Variants in KLF13 observed in about 807,000 individuals in gnomAD.
KLF13 encodes Krueppel-like factor 13.
A neutral mutation model predicts 16.7 loss-of-function variants in KLF13; 8 were observed. The ratio of observed to expected loss-of-function variants is 0.48; its 90% CI spans 0.28 to 0.87. The LOEUF (loss-of-function observed/expected upper bound fraction) is 0.87. KLF13 is among the 40% of genes least tolerant of loss of function. The pLI is 0.10. For missense variants in KLF13, 447 were observed against 452.2 expected (o/e 0.99, Z 0.10); for synonymous variants, 245 against 208.4 (o/e 1.18, Z -1.51).
intron 1 of KLF13, among the ~76,000 whole-genome samples, chr15:31,385,273 C>T (rs2039781369): frequency 6.6e-6 from 1 of 152,156 alleles, no homozygotes. Flanking sequence ...TATCTATAGA[C>T]CAAGAGCATG....
chr15:31,424,024 C>T (rs1357121519), intron 1 of KLF13, among the ~76,000 whole-genome samples: 1 of 151,894 alleles, frequency 6.6e-6, no homozygotes, highest in Non-Finnish European at 1.5e-5. Flanking sequence ...TACAACCTAC[C>T]AATATTGAAT....
upstream of KLF13, among the ~76,000 whole-genome samples, chr15:31,388,153 C>A (rs188190663): frequency 6.5e-3 from 986 of 152,290 alleles, 4 homozygotes; most frequent in Non-Finnish European, 0.011. Flanking sequence ...GGTTATTATT[C>A]TTCTCATCAG....
intron 1 of KLF13, among the ~76,000 whole-genome samples, chr15:31,349,033 C>A (rs1021007337): frequency 6.6e-6 from 1 of 152,158 alleles, no homozygotes; most frequent in Non-Finnish European, 1.5e-5. Flanking sequence ...GACCATCCAT[C>A]AAGCTGGGAG....
intron 1 of KLF13, among the ~76,000 whole-genome samples, chr15:31,358,457 T>C (rs2039333873): frequency 6.6e-6 from 1 of 152,230 alleles, no homozygotes; most frequent in Admixed American, 6.5e-5. Context: ...CTCATAAATA[T>C]GTATAGTGAT....
At chr15:31,392,561 C>T (rs1334000003), upstream of KLF13, among the ~76,000 whole-genome samples, 1 of 152,232 alleles carries the variant, frequency 6.6e-6, no homozygotes, top group African/African-American at 2.4e-5. Context: ...TGTCCCGCCC[C>T]TGAAGGGGCC....
At chr15:31,418,338 T>C (rs1445347114) in intron 1 of KLF13, among the ~76,000 whole-genome samples, 2 of 152,130 alleles carry the variant, frequency 1.3e-5, no homozygotes, top group Non-Finnish European at 2.9e-5. Context: ...AGAAAAAGTA[T>C]ATTAAATCTA....
At chr15:31,363,026 G>T (rs1041371283) in intron 1 of KLF13, among the ~76,000 whole-genome samples, 1 of 152,206 alleles carries the variant, frequency 6.6e-6, no homozygotes. Context: ...GTGCAAATGC[G>T]TTTGTAGGCT....
In KLF13 at chr15:31,377,134, A is replaced by G. The variant is rs1475850219; in HGVS notation, c.*4835A>G. Reference sequence around the variant, plus strand: ...CAGGTGTGTGAGCCGAATGCCTGCCAGGCCATGCACTCAGCAGAGGAGCCC... The same window carrying G: ...CAGGTGTGTGAGCCGAATGCCTGCCGGGCCATGCACTCAGCAGAGGAGCCC... On this transcript the variant is annotated 3_prime_UTR_variant, in exon 2 of 2. Coordinates refer to ENST00000307145, the MANE Select transcript of KLF13 (RefSeq NM_015995.4). 3 of 152,428 alleles carry G rather than the reference A, an allele frequency of 2.0e-5. No homozygotes were observed. The highest frequency in any genetic ancestry group is 7.2e-5 in the African/African-American group (3 of 41,456). 9.4% of individuals were successfully genotyped at this position (152,428 alleles called of 1,614,324 possible). A position where few individuals can be genotyped will look rare whatever the true frequency, so the allele number is the denominator to read the frequency against.
At chr15:31,400,971 G>A (rs950236269) in intron 2 of KLF13, among the ~76,000 whole-genome samples, 6 of 152,108 alleles carry the variant, frequency 3.9e-5, no homozygotes, top group African/African-American at 1.4e-4. Flanking sequence ...TTCTGAGGCA[G>A]GTGCTGCAAT....
chr15:31,344,143 C>T (rs1439196923), intron 1 of KLF13, among the ~76,000 whole-genome samples: 1 of 152,174 alleles, frequency 6.6e-6, no homozygotes, highest in Non-Finnish European at 1.5e-5. Context: ...GCGCTGCGCA[C>T]CCACACCACC....
chr15:31,334,761 T>C (rs1388809767), intron 1 of KLF13, among the ~76,000 whole-genome samples: 1 of 152,208 alleles, frequency 6.6e-6, no homozygotes, highest in Non-Finnish European at 1.5e-5. Flanking sequence ...AATGGGATTA[T>C]TTTCTTGAGA....
Position 31,372,003 on chromosome 15 carries a change from C to T in KLF13, c.578-7C>T, listed in dbSNP as rs2039561949. 1 of 1,597,096 alleles carries T rather than the reference C, an allele frequency of 6.3e-7. No individual in the cohort carries two copies. Among genetic ancestry groups the T allele is most frequent in the Non-Finnish European group, 8.5e-7 (1 of 1,172,350 alleles). On this transcript the variant is annotated splice_polypyrimidine_tract_variant and splice_region_variant and intron_variant, in intron 1 of 1. Transcript: ENST00000307145. Reference sequence around the variant, plus strand: ...CGGATACTGATGCTCTGCCCCTGTGCCCACAGGTGAGAGGCCCTTCGCCTG... The same window carrying T: ...CGGATACTGATGCTCTGCCCCTGTGTCCACAGGTGAGAGGCCCTTCGCCTG...
upstream of KLF13, among the ~76,000 whole-genome samples, chr15:31,391,617 C>T (rs1459102244): frequency 5.9e-5 from 9 of 151,724 alleles, no homozygotes; most frequent in African/African-American, 2.2e-4. Context: ...CCGCCCCCGC[C>T]CCCGACGCTT....
intron 1 of KLF13, among the ~76,000 whole-genome samples, chr15:31,433,971 T>C (rs2040501345): frequency 6.6e-6 from 1 of 152,142 alleles, no homozygotes; most frequent in Non-Finnish European, 1.5e-5. Flanking sequence ...ACCCCTCACA[T>C]TTCTTTTTTG....
At chr15:31,399,862 C>A (rs1375038442) in intron 2 of KLF13, among the ~76,000 whole-genome samples, 1 of 152,250 alleles carries the variant, frequency 6.6e-6, no homozygotes, top group Non-Finnish European at 1.5e-5. Flanking sequence ...ACTCTGGGCT[C>A]CGGGGCTTCT....
exon 2 of KLF13, chr15:31,435,490 CA>C (rs1318913523): frequency 6.6e-6 from 1 of 152,170 alleles, no homozygotes. Flanking sequence ...CATCTGCAGG[CA>C]ATGTCGACAC....
chr15:31,335,515 G>T (rs1252757107), intron 1 of KLF13, among the ~76,000 whole-genome samples: 1 of 151,228 alleles, frequency 6.6e-6, no homozygotes, highest in Non-Finnish European at 1.5e-5. Context: ...GGCACAGCAT[G>T]GCACCGAGCA....
intron 1 of KLF13, among the ~76,000 whole-genome samples, chr15:31,411,164 A>G (rs1313869675): frequency 2.6e-5 from 4 of 152,232 alleles, no homozygotes; most frequent in South Asian, 4.1e-4. Flanking sequence ...CAGTATTCCA[A>G]TGAGATGAAG....
intron 1 of KLF13, among the ~76,000 whole-genome samples, chr15:31,415,602 G>A (rs1301274581): frequency 1.3e-5 from 2 of 152,076 alleles, no homozygotes; most frequent in Non-Finnish European, 2.9e-5. Flanking sequence ...TGAAAACGAA[G>A]ATACGACATC....
Sources: gnomAD v4.1 joint callset for allele counts (sites outside exome capture counted in the v4.1 genomes callset) on GRCh38, gnomAD v4.1.1 for gene constraint, MANE v1.5 for transcripts, NCBI Gene and HGNC (gene_info 2026-07-23, HGNC 2026-07-21) for gene names.